DRC1: variants seen among roughly 807,000 people sequenced by gnomAD.
The protein encoded by DRC1 is dynein regulatory complex protein 1.
Under a neutral mutation model 98.7 loss-of-function variants are expected in DRC1, and 74 were observed. The ratio of observed to expected loss-of-function variants is 0.75; its 90% CI spans 0.62 to 0.91. DRC1 has a LOEUF of 0.91. Among genes scored for constraint, DRC1 ranks in the 40% least tolerant of loss-of-function variants. The pLI is 0.00. For synonymous variants in DRC1, 336 were observed against 334.1 expected (o/e 1.01, Z -0.06); for missense variants, 875 against 886.0 (o/e 0.99, Z 0.16).
At chr2:26,445,025 A>C in intron 10 of DRC1, 77 bp downstream of exon 10, 1 of 1,454,218 alleles carries the variant, frequency 6.9e-7, no homozygotes, top group Non-Finnish European at 9.4e-7. Flanking sequence ...GTCACGTTAG[A>C]GATAGTCTAG....
chr2:26,421,903 CT>C (rs1406952949), intron 3 of DRC1, among the ~76,000 whole-genome samples: 1 of 152,128 alleles, frequency 6.6e-6, no homozygotes, highest in Non-Finnish European at 1.5e-5. Context: ...CACTACATTG[CT>C]GATACGTGCC....
At chr2:26,412,478 G>A (rs1678645047) in intron 1 of DRC1, among the ~76,000 whole-genome samples, 1 of 152,178 alleles carries the variant, frequency 6.6e-6, no homozygotes, top group East Asian at 1.9e-4. Flanking sequence ...TGCCAGAGGA[G>A]AGAGCAGGGT....
chr2:26,438,275 TG>T (rs1663626628), intron 7 of DRC1, among the ~76,000 whole-genome samples: 1 of 152,086 alleles, frequency 6.6e-6, no homozygotes, highest in African/African-American at 2.4e-5. Context: ...AAGTTGCCTT[TG>T]GGGGTGGAAT....
chr2:26,427,075 G>T (rs1313931075), intron 4 of DRC1, among the ~76,000 whole-genome samples: 1 of 152,006 alleles, frequency 6.6e-6, no homozygotes, highest in African/African-American at 2.4e-5. Context: ...GTCATTATTT[G>T]CATATAAGAA....
chr2:26,445,226 C>T (rs1663822763), intron 10 of DRC1, among the ~76,000 whole-genome samples: 1 of 152,156 alleles, frequency 6.6e-6, no homozygotes, highest in Admixed American at 6.5e-5. Flanking sequence ...TAAATTGTCT[C>T]CCTTTTTGTG....
At chr2:26,438,872 T>C (rs948171824) in intron 7 of DRC1, among the ~76,000 whole-genome samples, 6 of 152,166 alleles carry the variant, frequency 3.9e-5, no homozygotes, top group Non-Finnish European at 7.3e-5. Context: ...CTGATTCCAC[T>C]TGATTGCCTT....
Position 26,404,950 on chromosome 2 carries a change from A to G in DRC1, c.155+2806A>G, listed in dbSNP as rs533526639. The stretch of plus-strand genomic sequence containing the variant: ...GTTCTAATCCTAAACATTTCTGGGT[A>G]TCCTCTTTCCTTATTGTGCAGCCCT... On this transcript the variant is annotated intron_variant, in intron 1 of 16. Coordinates refer to ENST00000288710, the MANE Select transcript of DRC1 (RefSeq NM_145038.5). Among the ~76,000 whole-genome samples, 34 of 152,318 alleles carry G rather than the reference A, an allele frequency of 2.2e-4. No individual in the cohort carries two copies. The South Asian group carries it at 7.0e-3, about 32-fold the overall frequency.
rs1386352972 is a variant in DRC1 at position 26,454,785 on chromosome 2, G to A, written c.2058G>A (p.Lys686=). Residue 686 remains lysine (K), a synonymous_variant, in exon 15 of 17, where the codon AAG becomes AAA. Coordinates refer to ENST00000288710, the MANE Select transcript of DRC1 (RefSeq NM_145038.5). This position sits in a 1 kb window ranked among gnomAD's most constrained non-coding sequence, Gnocchi z 5.2. ...ATGCCCTCTACACAGCCTTGGAGAA[G>A]TACCAGTAAGTGTGCATGTCATGGA... ...LWDALYTALE[K]YHLVLTQRAK... 4 of 1,613,976 alleles carry A rather than the reference G, an allele frequency of 2.5e-6. No individual in the cohort carries two copies. The highest frequency in any genetic ancestry group is 3.3e-5 in the Admixed American group (2 of 59,994).
At chr2:26,406,069 G>A (rs1209736452) in intron 1 of DRC1, among the ~76,000 whole-genome samples, 2 of 152,150 alleles carry the variant, frequency 1.3e-5, no homozygotes, top group Admixed American at 6.5e-5. Context: ...GAGTCTGTGC[G>A]AGCCTGGAAG....
At chr2:26,446,863 G>C (rs1009808520) in intron 10 of DRC1, among the ~76,000 whole-genome samples, 6 of 152,144 alleles carry the variant, frequency 3.9e-5, no homozygotes, top group Admixed American at 3.9e-4. Flanking sequence ...AGGCCAAGGC[G>C]CGCAGATCAC....
intron 2 of DRC1, 123 bp downstream of exon 2, chr2:26,414,554 A>G (rs1678731916): frequency 1.2e-6 from 1 of 833,194 alleles, no homozygotes; most frequent in East Asian, 2.7e-5. Context: ...AGAACTGAAT[A>G]GAATCTTTCC....
chr2:26,442,335 G>C (rs1663739115), intron 8 of DRC1, among the ~76,000 whole-genome samples: 1 of 152,224 alleles, frequency 6.6e-6, no homozygotes, highest in African/African-American at 2.4e-5. Context: ...ACTTCCCACA[G>C]TAGGATACTG....
chr2:26,449,395 T>C (rs1370861063), intron 11 of DRC1, among the ~76,000 whole-genome samples: 1 of 152,242 alleles, frequency 6.6e-6, no homozygotes, highest in East Asian at 1.9e-4. Flanking sequence ...CTCTTGCCAC[T>C]GAGGGCAGCT....
At chr2:26,441,133 C>G (rs1194309974) in intron 8 of DRC1, among the ~76,000 whole-genome samples, 1 of 152,208 alleles carries the variant, frequency 6.6e-6, no homozygotes, top group African/African-American at 2.4e-5. Context: ...TCTCCTTACT[C>G]CTATCCTTCC....
intron 2 of DRC1, among the ~76,000 whole-genome samples, chr2:26,416,253 T>A (rs1163268183): frequency 6.6e-6 from 1 of 151,808 alleles, no homozygotes; most frequent in African/African-American, 2.4e-5. Context: ...CAGTTTTTCA[T>A]TTTTTTTCTT....
At chr2:26,429,504 C>T (rs1025209536) in intron 4 of DRC1, 124 bp from the exon 5 acceptor site, 5 of 1,299,038 alleles carry the variant, frequency 3.8e-6, no homozygotes, top group Non-Finnish European at 5.3e-6. Flanking sequence ...CTGTGCGCAG[C>T]CCTCTTTGTA....
chr2:26,421,228 A>G, intron 2 of DRC1, 60 bp from the exon 3 acceptor site: 1 of 1,509,580 alleles, frequency 6.6e-7, no homozygotes, highest in Non-Finnish European at 9.1e-7. Flanking sequence ...AATGTTTCAG[A>G]CTTTATATAT....
At chr2:26,456,417 G>A in intron 16 of DRC1, 44 bp from the exon 17 acceptor site, 1 of 1,612,976 alleles carries the variant, frequency 6.2e-7, no homozygotes, top group Non-Finnish European at 8.5e-7. Flanking sequence ...CAAAGAAGGA[G>A]GGCCCTGGGA....
chr2:26,432,550 AAAGAAAGG>A (rs1324121942), intron 7 of DRC1, among the ~76,000 whole-genome samples: 3 of 150,690 alleles, frequency 2.0e-5, no homozygotes, highest in Admixed American at 6.7e-5. Context: ...GAAAGAAAAG[AAAGAAAGG>A]AAGAAAGGAA....
Sources: allele counts gnomAD v4.1 joint callset (sites outside exome capture counted in the v4.1 genomes callset), GRCh38; gene constraint gnomAD v4.1.1; non-coding constraint Gnocchi (gnomAD v3.1); transcripts MANE v1.5; gene names NCBI Gene and HGNC (gene_info 2026-07-23, HGNC 2026-07-21).